Variants in GSE1 observed in about 807,000 individuals in gnomAD.
GSE1 encodes the protein genetic suppressor element 1.
A neutral mutation model predicts 112.6 loss-of-function variants in GSE1; 32 were observed. That is an observed-to-expected ratio of 0.28 (90% CI 0.21 to 0.38). GSE1 has a LOEUF of 0.38. Among genes scored for constraint, GSE1 ranks in the 10% least tolerant of loss-of-function variants. The probability of loss-of-function intolerance (pLI) is 1.00; values close to 1 mark genes in which losing one functional copy is unlikely to be tolerated. For missense variants in GSE1, 2,348 were observed against 1,699.2 expected, an observed-to-expected ratio of 1.38 and a Z score of -6.71; for synonymous variants, 1,115 against 735.6, an observed-to-expected ratio of 1.52 and a Z score of -8.35.
At position 85,543,797 on chromosome 16, in the gene GSE1, G is replaced by A. The variant is rs139143161; in HGVS notation, c.2465-90117G>A. Among the ~76,000 whole-genome samples, 12 of 152,210 alleles carry A rather than the reference G, an allele frequency of 7.9e-5. No homozygotes were observed. The East Asian group carries it at 2.3e-3, about 29-fold the overall frequency. On this transcript the variant is annotated intron_variant, in intron 2 of 2. Coordinates refer to the GSE1 transcript ENST00000637419. Reference sequence around the variant, plus strand: ...TTAGGCTATGCGAGTGGTTCTTTACGGAGGCAGTTTTGCTCCTTGGGGGAC... The same window carrying A: ...TTAGGCTATGCGAGTGGTTCTTTACAGAGGCAGTTTTGCTCCTTGGGGGAC...
chr16:85,293,598 C>T (rs188247404), intron 1 of GSE1, among the ~76,000 whole-genome samples: 269 of 152,278 alleles, frequency 1.8e-3, no homozygotes, highest in Non-Finnish European at 2.7e-3. Context: ...GAAATGTATT[C>T]TCTCACAGTT....
At position 85,657,558 on chromosome 16, in the gene GSE1, C is replaced by A. The variant is rs573910064; in HGVS notation, c.1594C>A (p.Pro532Thr). The change falls in exon 8 of 16, where the codon CCC becomes ACC. Residue 532 changes from proline to threonine, a missense_variant. Physicochemically the swap from Pro to Thr is conservative, Grantham distance 38. Transcript: ENST00000253458. ...VLEQHLDMGR[P>T]PVPAEAEHRP... ...GGAGCAGCACCTGGATATGGGCCGGCCCCCGGTGCCGGCGGAGGCAGAGCA... is the reference window on the plus strand; with the variant it reads ...GGAGCAGCACCTGGATATGGGCCGGACCCCGGTGCCGGCGGAGGCAGAGCA... 3 of 1,574,764 alleles carry A rather than the reference C, an allele frequency of 1.9e-6. No homozygotes were observed. The highest frequency in any genetic ancestry group is 2.3e-5 in the South Asian group (2 of 86,008).
At chr16:85,593,743 A>T (rs1438577930) in intron 1 of GSE1, 1 of 152,250 alleles carries the variant, frequency 6.6e-6, no homozygotes. Flanking sequence ...AATTGCCCAC[A>T]ACTCTGCAGA....
chr16:85,218,693 C>G (rs2143725181), intron 1 of GSE1, among the ~76,000 whole-genome samples: 1 of 152,366 alleles, frequency 6.6e-6, no homozygotes, highest in East Asian at 1.9e-4. Context: ...AGCTCTGCGC[C>G]TGGCTCACCC....
intron 13 of GSE1, among the ~76,000 whole-genome samples, chr16:85,667,271 T>G (rs1367803236): frequency 6.6e-6 from 1 of 152,008 alleles, no homozygotes; most frequent in Non-Finnish European, 1.5e-5. Flanking sequence ...CTAAACTGTT[T>G]CCTCTAGATT....
intron 2 of GSE1, among the ~76,000 whole-genome samples, chr16:85,508,306 T>A (rs536058593): frequency 7.2e-5 from 11 of 152,292 alleles, no homozygotes; most frequent in South Asian, 2.1e-4. Flanking sequence ...AGTGCTGGGA[T>A]TACAGGCAGG....
intron 5 of GSE1, among the ~76,000 whole-genome samples, chr16:85,655,465 C>T (rs570938660): frequency 1.3e-5 from 2 of 152,322 alleles, no homozygotes; most frequent in South Asian, 4.1e-4. Context: ...AGGGCCTGGG[C>T]GCTTGACCAC....
chr16:85,217,839 C>T (rs1320272504), intron 1 of GSE1, among the ~76,000 whole-genome samples: 1 of 152,184 alleles, frequency 6.6e-6, no homozygotes, highest in South Asian at 2.1e-4. Context: ...ACCACCTGTG[C>T]ACTCCCTGTC....
chr16:85,635,706 G>A (rs1598480379), intron 2 of GSE1, among the ~76,000 whole-genome samples: 1 of 152,198 alleles, frequency 6.6e-6, no homozygotes, highest in Non-Finnish European at 1.5e-5. Flanking sequence ...GAGGCCACGG[G>A]CGGCACGTGA....
At chr16:85,487,860 C>T (rs563167476) in intron 2 of GSE1, among the ~76,000 whole-genome samples, 8 of 152,316 alleles carry the variant, frequency 5.3e-5, no homozygotes, top group African/African-American at 1.9e-4. Flanking sequence ...TTGGTGGTCC[C>T]TCAAGGCCGT....
intron 1 of GSE1, chr16:85,592,753 TG>T (rs1349071835): frequency 1.3e-5 from 2 of 152,370 alleles, no homozygotes; most frequent in South Asian, 2.1e-4. Flanking sequence ...CTTTACAAGC[TG>T]TGTGACCTTG....
intron 2 of GSE1, among the ~76,000 whole-genome samples, chr16:85,415,330 C>T (rs528884205): frequency 6.6e-6 from 1 of 152,160 alleles, no homozygotes; most frequent in Non-Finnish European, 1.5e-5. Flanking sequence ...TACAGAGGAC[C>T]TACAGCAGAC....
intron 2 of GSE1, among the ~76,000 whole-genome samples, chr16:85,388,091 G>A (rs1364024357): frequency 6.6e-6 from 1 of 150,590 alleles, no homozygotes; most frequent in African/African-American, 2.5e-5. Context: ...TGGATGGATG[G>A]ATGGATTGGT....
intron 1 of GSE1, among the ~76,000 whole-genome samples, chr16:85,585,661 T>C (rs1349827292): frequency 6.6e-6 from 1 of 152,202 alleles, no homozygotes; most frequent in Admixed American, 6.5e-5. Flanking sequence ...CCCATCCTGG[T>C]TCTGGAACTC....
At position 85,666,085 on chromosome 16, in the gene GSE1, G is replaced by A. The variant is rs149876171; in HGVS notation, c.2868G>A (p.Arg956=). The A allele has an allele frequency of 2.4e-4, 382 of 1,613,236 alleles. 3 individuals are homozygous for A. In the African/African-American group the frequency reaches 4.7e-3, roughly 20 times the overall value. ...AAEPGKLEQV[R]PQELSRVQEL... The stretch of plus-strand genomic sequence containing the variant: ...AGCCTGGGAAGCTGGAACAGGTCCG[G>A]CCCCAGGAGCTGTCGAGAGTCCAGG... Residue 956 remains arginine (R), a synonymous_variant, in exon 13 of 16, where the codon CGG becomes CGA. Transcript: ENST00000253458.
intron 2 of GSE1, among the ~76,000 whole-genome samples, chr16:85,461,828 A>C (rs1597823941): frequency 4.8e-5 from 7 of 144,950 alleles, no homozygotes; most frequent in Non-Finnish European, 7.6e-5. Context: ...CCCCCTCCTC[A>C]CCTCCCCTCC....
At chr16:85,383,317 GTC>G (rs2047602182) in intron 2 of GSE1, among the ~76,000 whole-genome samples, 1 of 149,252 alleles carries the variant, frequency 6.7e-6, no homozygotes, top group African/African-American at 2.5e-5. Flanking sequence ...TACATACACA[GTC>G]CTCAGCACAC....
chr16:85,548,549 C>T (rs907978888), intron 2 of GSE1, among the ~76,000 whole-genome samples: 3 of 152,148 alleles, frequency 2.0e-5, no homozygotes, highest in Admixed American at 2.0e-4. Context: ...TCTCCAATTC[C>T]ACACGTGTTG....
chr16:85,477,849 C>G (rs778348243), intron 2 of GSE1, among the ~76,000 whole-genome samples: 2 of 152,072 alleles, frequency 1.3e-5, no homozygotes, highest in African/African-American at 4.8e-5. Flanking sequence ...TGTGAACCAC[C>G]GCGCCCGGCC....
Sources: allele counts gnomAD v4.1 joint callset (sites outside exome capture counted in the v4.1 genomes callset), GRCh38; gene constraint gnomAD v4.1.1; transcripts MANE v1.5; gene names NCBI Gene and HGNC (gene_info 2026-07-23, HGNC 2026-07-21).